Variants in SMIM27 observed in about 807,000 individuals in gnomAD.
SMIM27 encodes the protein TOPORS antisense RNA 1 (non-protein coding).
A neutral mutation model predicts 1.8 loss-of-function variants in SMIM27; 3 were observed. The ratio of observed to expected loss-of-function variants is 1.65; its 90% CI spans 0.75 to 4.28. The LOEUF is 4.28. Among genes scored for constraint, SMIM27 ranks in the 30% most tolerant of loss-of-function variants. The pLI is 0.02. For missense variants in SMIM27, 63 were observed against 37.0 expected (o/e 1.70, Z -1.83); for synonymous variants, 19 against 13.9 (o/e 1.37, Z -0.82).
chr9:32,553,192 C>T (rs1057340249), downstream of SMIM27: 1 of 298,300 alleles, frequency 3.4e-6, no homozygotes, highest in Non-Finnish European at 6.2e-6. Context: ...AAAAATGATT[C>T]GGAAAGCTTT....
At chr9:32,554,087 G>A, downstream of SMIM27, 1 of 508,402 alleles carries the variant, frequency 2.0e-6, no homozygotes, top group East Asian at 3.1e-5. Flanking sequence ...AGACAAAGTA[G>A]AAGCTGACTA....
At chr9:32,552,743 CGG>C (rs909366870) in intron 1 of SMIM27, 56 bp from the exon 2 acceptor site, 6 of 681,934 alleles carry the variant, frequency 8.8e-6, no homozygotes, top group Non-Finnish European at 1.3e-5. Flanking sequence ...GGTAACCTGA[CGG>C]GGGCGAGGGG....
intron 1 of SMIM27, among the ~76,000 whole-genome samples, chr9:32,561,306 C>T (rs13295477): frequency 0.1 from 15,403 of 152,022 alleles, 1,008 homozygotes; most frequent in Middle Eastern, 0.28. Context: ...TGGCAGCACA[C>T]GCTCCTAAAA....
rs1300693695 is a variant in SMIM27 at position 32,564,189 on chromosome 9, C to A, written c.46-2202C>A. The stretch of plus-strand genomic sequence containing the variant: ...ATATCTATTTCTAGGTCTATCAATA[C>A]ATTTTAAAAACCATGAGTTCACACC... On this transcript the variant is annotated intron_variant, in intron 1 of 1. Transcript: ENST00000451672. Among the ~76,000 whole-genome samples the A allele has an allele frequency of 3.3e-5, 5 of 152,304 alleles. No homozygotes were observed. In the East Asian group the frequency reaches 9.6e-4, roughly 29 times the overall value.
intron 1 of SMIM27, among the ~76,000 whole-genome samples, chr9:32,560,293 C>T (rs1360373984): frequency 6.6e-6 from 1 of 152,208 alleles, no homozygotes; most frequent in African/African-American, 2.4e-5. Context: ...GAAAAATCAC[C>T]TGGAAGTGTG....
chr9:32,556,389 G>C (rs1821455394), downstream of SMIM27, among the ~76,000 whole-genome samples: 1 of 152,194 alleles, frequency 6.6e-6, no homozygotes, highest in South Asian at 2.1e-4. Flanking sequence ...CACAATCTTG[G>C]AACCTCATAT....
chr9:32,551,982 C>T (rs546645021), upstream of SMIM27, among the ~76,000 whole-genome samples: 2 of 142,204 alleles, frequency 1.4e-5, no homozygotes, highest in East Asian at 4.7e-4. Flanking sequence ...GTATCAGATG[C>T]GGGGAGGCGT....
exon 2 of SMIM27, chr9:32,566,555 G>A (rs771468153): frequency 2.7e-5 from 21 of 776,652 alleles, no homozygotes; most frequent in South Asian, 5.4e-5. Context: ...AGCTGCCGTC[G>A]TACTGCACAG....
At chr9:32,551,714 G>C, upstream of SMIM27, 2 of 396,126 alleles carry the variant, frequency 5.0e-6, no homozygotes, top group South Asian at 3.4e-5. Context: ...CCACCAAACT[G>C]CCGTGCTCGG....
chr9:32,558,260 C>T (rs865855944), intron 1 of SMIM27, among the ~76,000 whole-genome samples: 29 of 152,086 alleles, frequency 1.9e-4, no homozygotes, highest in South Asian at 1.0e-3. Flanking sequence ...TACAGGCGCC[C>T]GCCACCACGC....
upstream of SMIM27, chr9:32,551,890 C>T: frequency 2.6e-6 from 1 of 383,664 alleles, no homozygotes; most frequent in Non-Finnish European, 5.5e-6. Context: ...CAGGGGTTCC[C>T]ACAACGATTT....
intron 1 of SMIM27, chr9:32,558,973 C>CA: frequency 6.4e-7 from 1 of 1,551,470 alleles, no homozygotes; most frequent in Non-Finnish European, 8.9e-7. Context: ...AAAGTTAACT[C>CA]TGTGTTAATT....
At chr9:32,563,229 G>C (rs143105628) in intron 1 of SMIM27, among the ~76,000 whole-genome samples, 35 of 152,222 alleles carry the variant, frequency 2.3e-4, no homozygotes, top group Middle Eastern at 6.8e-3. Context: ...CTAAGGTGGC[G>C]TCTGCCAGAT....
chr9:32,553,738 ATTG>A, downstream of SMIM27: 1 of 639,852 alleles, frequency 1.6e-6, no homozygotes, highest in South Asian at 1.9e-5. Context: ...TCAGTCTCAA[ATTG>A]TACAATGCTT....
intron 1 of SMIM27, among the ~76,000 whole-genome samples, chr9:32,562,593 T>A (rs1337038342): frequency 6.6e-6 from 1 of 152,248 alleles, no homozygotes; most frequent in Non-Finnish European, 1.5e-5. Context: ...GCTGCAAGAA[T>A]GAAAATAATT....
chr9:32,552,769 A>T, intron 1 of SMIM27, 32 bp from the exon 2 acceptor site: 2 of 696,292 alleles, frequency 2.9e-6, no homozygotes, highest in Non-Finnish European at 5.2e-6. Context: ...TATCAGGTAG[A>T]TTTCACACCT....
intron 1 of SMIM27, among the ~76,000 whole-genome samples, chr9:32,561,167 G>C (rs1821614226): frequency 6.6e-6 from 1 of 152,132 alleles, no homozygotes; most frequent in Non-Finnish European, 1.5e-5. Flanking sequence ...AATAGTTGTA[G>C]AGAGAGTTTG....
At chr9:32,555,793 AC>A (rs1239192090), downstream of SMIM27, among the ~76,000 whole-genome samples, 1 of 152,096 alleles carries the variant, frequency 6.6e-6, no homozygotes, top group Non-Finnish European at 1.5e-5. Flanking sequence ...AAAAGAACAA[AC>A]CCCCTGGACA....
At chr9:32,566,314 C>A in intron 1 of SMIM27, 1 of 1,180,368 alleles carries the variant, frequency 8.5e-7, no homozygotes. Flanking sequence ...CAGTCCACTT[C>A]TCTTCCATCT....
Sources: gnomAD v4.1 joint callset for allele counts (sites outside exome capture counted in the v4.1 genomes callset) on GRCh38, gnomAD v4.1.1 for gene constraint, MANE v1.5 for transcripts, NCBI Gene and HGNC (gene_info 2026-07-23, HGNC 2026-07-21) for gene names.